The following GRID2 variants were observed in gnomAD, a reference collection of about 807,000 sequenced individuals.
GRID2 encodes glutamate ionotropic receptor delta type subunit 2, also known as glutamate receptor ionotropic, delta-2.
GRID2 carries 33 observed loss-of-function variants against 114.8 expected under a neutral mutation model. The ratio of observed to expected loss-of-function variants is 0.29; its 90% CI spans 0.22 to 0.38. The LOEUF is 0.38. GRID2 is among the 10% of genes least tolerant of loss of function. The probability of loss-of-function intolerance (pLI) is 1.00; values close to 1 mark genes in which losing one functional copy is unlikely to be tolerated. For synonymous variants in GRID2, 505 were observed against 449.9 expected, an observed-to-expected ratio of 1.12 and a Z score of -1.55; for missense variants, 1,184 against 1,257.7, an observed-to-expected ratio of 0.94 and a Z score of 0.89.
intron 12 of GRID2, among the ~76,000 whole-genome samples, chr4:93,506,664 G>A (rs1728661067): frequency 6.6e-6 from 1 of 152,248 alleles, no homozygotes; most frequent in Non-Finnish European, 1.5e-5. Flanking sequence ...ACATGGAGGT[G>A]CCCATCTTCT....
rs543030723 is a variant in GRID2, at chr4:92,505,462, C to T, written c.89-84669C>T. On this transcript the variant is annotated intron_variant, in intron 1 of 15. Coordinates refer to ENST00000282020, the MANE Select transcript of GRID2 (RefSeq NM_001510.4). ...TTGCAAGTTAACATATATAAAACACCTGTTCTTATTCTTAAGCATGCACAG... is the reference window on the plus strand; with the variant it reads ...TTGCAAGTTAACATATATAAAACACTTGTTCTTATTCTTAAGCATGCACAG... Among the ~76,000 whole-genome samples, 19 of 151,882 alleles carry T rather than the reference C, an allele frequency of 1.3e-4. No homozygotes were observed. The South Asian group carries it at 3.9e-3, about 31-fold the overall frequency.
At chr4:92,785,837 A>T (rs1739296281) in intron 2 of GRID2, among the ~76,000 whole-genome samples, 1 of 151,710 alleles carries the variant, frequency 6.6e-6, no homozygotes, top group Admixed American at 6.6e-5. Flanking sequence ...TTTTAGCTTT[A>T]AAAAAAACTT....
chr4:92,328,576 A>C (rs984291312), intron 1 of GRID2, among the ~76,000 whole-genome samples: 1 of 152,024 alleles, frequency 6.6e-6, no homozygotes, highest in Non-Finnish European at 1.5e-5. Flanking sequence ...TTCTAAATTT[A>C]CTATAGCATT....
At chr4:92,775,250 T>C (rs1578175107) in intron 2 of GRID2, among the ~76,000 whole-genome samples, 1 of 152,184 alleles carries the variant, frequency 6.6e-6, no homozygotes, top group Admixed American at 6.6e-5. Flanking sequence ...GGATAGAGTT[T>C]GAGAAATCTG....
At chr4:92,759,377 A>T (rs1737877497) in intron 2 of GRID2, among the ~76,000 whole-genome samples, 1 of 151,296 alleles carries the variant, frequency 6.6e-6, no homozygotes, top group Admixed American at 6.6e-5. Context: ...ATACTTTCTA[A>T]TTTTTTTTTA....
intron 1 of GRID2, among the ~76,000 whole-genome samples, chr4:92,547,822 C>A (rs1307302249): frequency 6.6e-6 from 1 of 151,990 alleles, no homozygotes; most frequent in Non-Finnish European, 1.5e-5. Context: ...ATGGAAGCAA[C>A]TGCATGTTGA....
intron 13 of GRID2, among the ~76,000 whole-genome samples, chr4:93,593,784 T>G (rs1366045713): frequency 1.3e-5 from 2 of 152,192 alleles, no homozygotes; most frequent in Non-Finnish European, 2.9e-5. Context: ...AAACTTTCCT[T>G]CTCGCTTCAT....
chr4:93,371,569 G>A (rs374678690), intron 8 of GRID2, among the ~76,000 whole-genome samples: 1 of 151,964 alleles, frequency 6.6e-6, no homozygotes, highest in African/African-American at 2.4e-5. Context: ...AATTACTCTG[G>A]TCAGAAGATG....
intron 2 of GRID2, among the ~76,000 whole-genome samples, chr4:92,645,490 G>A (rs1490247220): frequency 6.6e-6 from 1 of 151,710 alleles, no homozygotes; most frequent in African/African-American, 2.4e-5. Context: ...TTTCTTAACA[G>A]TACTTTATTC....
chr4:92,735,862 G>A (rs1043451165), intron 2 of GRID2, among the ~76,000 whole-genome samples: 2 of 151,622 alleles, frequency 1.3e-5, no homozygotes, highest in Non-Finnish European at 2.9e-5. Flanking sequence ...TGGATCTTGA[G>A]GTCACATGAA....
intron 8 of GRID2, among the ~76,000 whole-genome samples, chr4:93,292,033 C>T (rs964665313): frequency 1.3e-5 from 2 of 152,104 alleles, no homozygotes; most frequent in African/African-American, 4.8e-5. Context: ...GCCAAGAGAG[C>T]ACCATGTGAT....
rs550564356 is a variant in GRID2 at position 92,502,277 on chromosome 4, A to G, written c.89-87854A>G. On this transcript the variant is annotated intron_variant, in intron 1 of 15. Transcript: ENST00000282020. Reference sequence around the variant, plus strand: ...CATCATCTGCTTACATAAAAATTACATGTTAACTAAAAGCTGTATTAAAAA... The same window carrying G: ...CATCATCTGCTTACATAAAAATTACGTGTTAACTAAAAGCTGTATTAAAAA... 4.6e-5 allele frequency among the ~76,000 whole-genome samples: 7 copies of G among 152,290 alleles called. No homozygotes were observed. In the East Asian group the frequency reaches 1.4e-3, roughly 29 times the overall value.
intron 1 of GRID2, among the ~76,000 whole-genome samples, chr4:92,503,133 C>T (rs1025904711): frequency 1.3e-5 from 2 of 151,854 alleles, no homozygotes; most frequent in Non-Finnish European, 2.9e-5. Flanking sequence ...TCCAGAAAGC[C>T]TGTACTAATT....
chr4:92,792,635 A>G (rs924171203), intron 2 of GRID2, among the ~76,000 whole-genome samples: 1 of 151,848 alleles, frequency 6.6e-6, no homozygotes, highest in Non-Finnish European at 1.5e-5. Flanking sequence ...TGGTCTAAAA[A>G]TGTAATTGTT....
At chr4:93,624,284 C>G (rs1383759245) in intron 13 of GRID2, among the ~76,000 whole-genome samples, 1 of 151,930 alleles carries the variant, frequency 6.6e-6, no homozygotes. Context: ...ATAATTTTGT[C>G]TCTACTGGAT....
intron 1 of GRID2, among the ~76,000 whole-genome samples, chr4:92,531,809 T>A (rs2149151701): frequency 6.6e-6 from 1 of 152,176 alleles, no homozygotes; most frequent in South Asian, 2.1e-4. Context: ...ATTTTTAAAC[T>A]TATCTTTCAG....
chr4:92,524,032 G>C (rs555125409), intron 1 of GRID2, among the ~76,000 whole-genome samples: 3 of 152,194 alleles, frequency 2.0e-5, no homozygotes, highest in African/African-American at 7.2e-5. Context: ...CATAGATGTT[G>C]ATGAGGAAGA....
intron 8 of GRID2, among the ~76,000 whole-genome samples, chr4:93,281,325 C>A (rs1358636864): frequency 6.6e-6 from 1 of 151,534 alleles, no homozygotes; most frequent in East Asian, 1.9e-4. Flanking sequence ...AGAAAAGTGT[C>A]CTTGAGTAAC....
chr4:93,432,385 A>T (rs1769497955), intron 10 of GRID2, among the ~76,000 whole-genome samples: 1 of 152,208 alleles, frequency 6.6e-6, no homozygotes, highest in African/African-American at 2.4e-5. Context: ...CCATGATCAG[A>T]GACATAAACT....
Sources: gnomAD v4.1 joint callset for allele counts (sites outside exome capture counted in the v4.1 genomes callset) on GRCh38, gnomAD v4.1.1 for gene constraint, MANE v1.5 for transcripts, NCBI Gene and HGNC (gene_info 2026-07-23, HGNC 2026-07-21) for gene names.